The following EBF1 variants were observed in gnomAD, a reference collection of about 807,000 sequenced individuals.
EBF1 encodes the protein transcription factor COE1.
A neutral mutation model predicts 68.4 loss-of-function variants in EBF1; 10 were observed. The observed-to-expected ratio is 0.15, with a 90% confidence interval of 0.09 to 0.25. The LOEUF (loss-of-function observed/expected upper bound fraction) is 0.25, where lower values mean the gene tolerates loss of function less well. EBF1 is among the 10% of genes least tolerant of loss of function. The probability of loss-of-function intolerance (pLI) is 1.00; values close to 1 mark genes in which losing one functional copy is unlikely to be tolerated. For missense variants in EBF1, 509 were observed against 794.4 expected, an observed-to-expected ratio of 0.64 and a Z score of 4.32; for synonymous variants, 298 against 299.8, an observed-to-expected ratio of 0.99 and a Z score of 0.06.
intron 6 of EBF1, among the ~76,000 whole-genome samples, chr5:158,901,336 T>G (rs937121880): frequency 6.6e-6 from 1 of 152,230 alleles, no homozygotes; most frequent in African/African-American, 2.4e-5. Flanking sequence ...AATTATTTAT[T>G]TAATTTTCCT....
At chr5:158,847,745 C>G (rs1791812562) in intron 6 of EBF1, among the ~76,000 whole-genome samples, 1 of 152,240 alleles carries the variant, frequency 6.6e-6, no homozygotes, top group Admixed American at 6.5e-5. Context: ...AAGTGTCCGT[C>G]TGTCCTTCTT....
chr5:158,712,971 C>T lies in EBF1; in HGVS notation c.1368G>A (p.Gln456=). The T allele has an allele frequency of 6.7e-7, 1 of 1,483,416 alleles. No homozygotes were observed. Among genetic ancestry groups the T allele is most frequent in the East Asian group, 2.4e-5 (1 of 40,818 alleles). 91.9% of individuals were successfully genotyped at this position (1,483,416 alleles called of 1,614,324 possible). A position where few individuals can be genotyped will look rare whatever the true frequency, so the allele number is the denominator to read the frequency against. ...GGAAGAGAAAAGCAAGCTTCTGACC[C>T]TGATTGGTGGCTTGTGATGCCTCGG... ...NVSEASQATN[Q]GFTRNSSSVS... is the part of the protein sequence containing the mutation. The change falls in exon 13 of 16, where the codon CAG becomes CAA. Residue 456 remains glutamine, a splice_region_variant and synonymous_variant. Transcript: ENST00000313708.
At chr5:159,098,203 G>A (rs1018293953) in intron 1 of EBF1, among the ~76,000 whole-genome samples, 1 of 152,224 alleles carries the variant, frequency 6.6e-6, no homozygotes, top group African/African-American at 2.4e-5. Context: ...TGGCTTAATG[G>A]GGGGAAAAAG....
chr5:158,906,680 G>C (rs1268382605), intron 6 of EBF1, among the ~76,000 whole-genome samples: 2 of 152,210 alleles, frequency 1.3e-5, no homozygotes, highest in Non-Finnish European at 1.5e-5. Context: ...AAAGATGACA[G>C]AGATATTGAG....
At chr5:158,774,273 T>C (rs1774570761) in intron 10 of EBF1, among the ~76,000 whole-genome samples, 1 of 152,130 alleles carries the variant, frequency 6.6e-6, no homozygotes, top group East Asian at 1.9e-4. Context: ...GCAGGCAATC[T>C]GTGCTTGGTC....
chr5:158,862,777 T>C (rs1314012504), intron 6 of EBF1, among the ~76,000 whole-genome samples: 1 of 152,160 alleles, frequency 6.6e-6, no homozygotes, highest in Admixed American at 6.5e-5. Context: ...TATTGTGAAC[T>C]TAGGCTTTAA....
chr5:159,003,486 G>T (rs1364416637), intron 6 of EBF1, among the ~76,000 whole-genome samples: 1 of 151,628 alleles, frequency 6.6e-6, no homozygotes, highest in Non-Finnish European at 1.5e-5. Flanking sequence ...CTGGCATTCT[G>T]CCACCACTTG....
chr5:158,801,915 G>T (rs1247662901), intron 8 of EBF1, among the ~76,000 whole-genome samples: 2 of 152,126 alleles, frequency 1.3e-5, no homozygotes, highest in Non-Finnish European at 2.9e-5. Context: ...CGCACTGGGA[G>T]CATCAGTCTC....
chr5:158,715,014 A>G (rs1760324551), intron 11 of EBF1, among the ~76,000 whole-genome samples: 2 of 152,188 alleles, frequency 1.3e-5, no homozygotes, highest in Admixed American at 1.3e-4. Flanking sequence ...TGTGGTGCTA[A>G]TATTTTTGGT....
intron 10 of EBF1, among the ~76,000 whole-genome samples, chr5:158,753,455 A>C (rs756431544): frequency 6.6e-5 from 10 of 152,162 alleles, no homozygotes; most frequent in African/African-American, 9.6e-5. Flanking sequence ...TCTGGCTATA[A>C]TCTTAGAGTT....
At chr5:158,973,740 T>C (rs1756130393) in intron 6 of EBF1, among the ~76,000 whole-genome samples, 2 of 152,226 alleles carry the variant, frequency 1.3e-5, no homozygotes, top group Admixed American at 6.5e-5. Flanking sequence ...AACATTTATC[T>C]TCCGTGGTAA....
intron 6 of EBF1, among the ~76,000 whole-genome samples, chr5:158,898,373 A>C (rs1249641025): frequency 6.6e-6 from 1 of 152,198 alleles, no homozygotes; most frequent in Non-Finnish European, 1.5e-5. Flanking sequence ...CCTTTCTCAG[A>C]AATTACTCAT....
intron 15 of EBF1, among the ~76,000 whole-genome samples, chr5:158,706,774 C>T (rs80083810): frequency 0.047 from 7,194 of 152,190 alleles, 540 homozygotes; most frequent in African/African-American, 0.16. Flanking sequence ...ACCGTTTAAC[C>T]GACTATGTCT....
chr5:158,942,297 C>T (rs1813593063), intron 6 of EBF1, among the ~76,000 whole-genome samples: 1 of 152,174 alleles, frequency 6.6e-6, no homozygotes. Flanking sequence ...ATATCATTAA[C>T]TAACTGTCAA....
At chr5:158,843,430 T>C (rs946066362) in intron 6 of EBF1, among the ~76,000 whole-genome samples, 4 of 152,208 alleles carry the variant, frequency 2.6e-5, no homozygotes, top group Admixed American at 6.5e-5. Flanking sequence ...GCAGGGCGCC[T>C]GTCAGCAGCC....
At chr5:158,710,719 G>A (rs1759033552) in intron 14 of EBF1, among the ~76,000 whole-genome samples, 1 of 152,198 alleles carries the variant, frequency 6.6e-6, no homozygotes, top group African/African-American at 2.4e-5. Context: ...TACAGGGCAA[G>A]AATGATCTTT....
chr5:158,784,775 A>C (rs1470891035), intron 9 of EBF1, among the ~76,000 whole-genome samples: 1 of 152,202 alleles, frequency 6.6e-6, no homozygotes, highest in Non-Finnish European at 1.5e-5. Flanking sequence ...TGGAAAAATA[A>C]TGAGCATTTG....
At chr5:158,897,778 T>C (rs922684702) in intron 6 of EBF1, among the ~76,000 whole-genome samples, 2 of 152,192 alleles carry the variant, frequency 1.3e-5, no homozygotes, top group African/African-American at 4.8e-5. Context: ...CACAGCTGTT[T>C]TGGTGAAGTC....
At chr5:158,877,630 G>T (rs1798047160) in intron 6 of EBF1, among the ~76,000 whole-genome samples, 1 of 152,078 alleles carries the variant, frequency 6.6e-6, no homozygotes, top group African/African-American at 2.4e-5. Context: ...CTGTTAGGCT[G>T]TTCTCTTTCT....
Sources: allele counts gnomAD v4.1 joint callset (sites outside exome capture counted in the v4.1 genomes callset), GRCh38; gene constraint gnomAD v4.1.1; transcripts MANE v1.5; gene names NCBI Gene and HGNC (gene_info 2026-07-23, HGNC 2026-07-21).